The following GNB1 variants were observed in gnomAD, a reference collection of about 807,000 sequenced individuals.
The protein encoded by GNB1 is G protein subunit beta 1, also known as guanine nucleotide-binding protein G(I)/G(S)/G(T) subunit beta-1.
In GNB1, 2 loss-of-function variants were observed where a neutral mutation model predicts 42.9. That is an observed-to-expected ratio of 0.05 (90% CI 0.02 to 0.15). GNB1 has a LOEUF of 0.15. Among genes scored for constraint, GNB1 ranks in the 10% least tolerant of loss-of-function variants. GNB1 has a pLI of 1.00. For missense variants in GNB1, 193 were observed against 462.2 expected (o/e 0.42, Z 5.34); for synonymous variants, 183 against 174.7 (o/e 1.05, Z -0.38).
chr1:1,862,536 A>C (rs930861583), intron 1 of GNB1, among the ~76,000 whole-genome samples: 2 of 151,606 alleles, frequency 1.3e-5, no homozygotes, highest in Non-Finnish European at 2.9e-5. Context: ...ATTACGGCTC[A>C]CTGCAGACTT....
At chr1:1,798,567 C>T (rs1422194143) in intron 7 of GNB1, among the ~76,000 whole-genome samples, 1 of 152,138 alleles carries the variant, frequency 6.6e-6, no homozygotes, top group African/African-American at 2.4e-5. Flanking sequence ...TCAGAATGAT[C>T]CAGGCAAGGG....
chr1:1,803,978 T>C (rs1179955451), intron 7 of GNB1, among the ~76,000 whole-genome samples: 8 of 78,722 alleles, frequency 1.0e-4, no homozygotes, highest in Admixed American at 3.2e-4. Flanking sequence ...TGAGACTCTG[T>C]CTTTAAAAAA....
At chr1:1,823,060 G>T (rs547473298) in intron 3 of GNB1, among the ~76,000 whole-genome samples, 3 of 151,822 alleles carry the variant, frequency 2.0e-5, no homozygotes, top group Non-Finnish European at 4.4e-5. Flanking sequence ...GGCTAACACG[G>T]TGAAACCCCA....
chr1:1,820,980 C>A (rs1646923838), intron 3 of GNB1, among the ~76,000 whole-genome samples: 1 of 152,154 alleles, frequency 6.6e-6, no homozygotes, highest in Admixed American at 6.6e-5. Context: ...TCTTCAAGTT[C>A]TTTCAGATTA....
At chr1:1,834,144 T>A (rs6603797) in intron 2 of GNB1, among the ~76,000 whole-genome samples, 1 of 151,850 alleles carries the variant, frequency 6.6e-6, no homozygotes, top group Non-Finnish European at 1.5e-5. Flanking sequence ...ACTCACCCAT[T>A]AGACGCTGGC....
At chr1:1,823,371 ACACTT>A (rs1417715093) in intron 3 of GNB1, among the ~76,000 whole-genome samples, 2 of 152,134 alleles carry the variant, frequency 1.3e-5, no homozygotes, top group Non-Finnish European at 2.9e-5. Flanking sequence ...TTAAATAACA[ACACTT>A]TGCTTTTCTT....
intron 1 of GNB1, among the ~76,000 whole-genome samples, chr1:1,874,755 A>C (rs1200924632): frequency 6.6e-6 from 1 of 151,892 alleles, no homozygotes; most frequent in East Asian, 1.9e-4. Flanking sequence ...GTGCCACTGC[A>C]GTCCAGCCTG....
At chr1:1,840,514 C>T (rs1481308700) in intron 1 of GNB1, among the ~76,000 whole-genome samples, 7 of 152,188 alleles carry the variant, frequency 4.6e-5, no homozygotes, top group Non-Finnish European at 1.0e-4. Flanking sequence ...GGTGACAGTG[C>T]GAGACTCTGT....
intron 2 of GNB1, among the ~76,000 whole-genome samples, chr1:1,826,050 G>C (rs773156412): frequency 2.0e-5 from 3 of 152,112 alleles, no homozygotes; most frequent in Non-Finnish European, 2.9e-5. Flanking sequence ...ATGCTGGTGG[G>C]TTATAAAAAG....
chr1:1,800,548 C>T (rs1023409496), intron 7 of GNB1, among the ~76,000 whole-genome samples: 13 of 152,132 alleles, frequency 8.5e-5, no homozygotes, highest in South Asian at 4.1e-4. Flanking sequence ...CCCTGAGCCT[C>T]GGGGACAGCA....
chr1:1,884,233 G>T (rs183724054), intron 1 of GNB1, among the ~76,000 whole-genome samples: 1 of 151,934 alleles, frequency 6.6e-6, no homozygotes. Flanking sequence ...CCGAGTAGCT[G>T]GAATTACAGG....
intron 4 of GNB1, among the ~76,000 whole-genome samples, chr1:1,817,485 G>GT (rs761833768): frequency 3.3e-5 from 5 of 152,158 alleles, no homozygotes; most frequent in Non-Finnish European, 7.4e-5. Context: ...ATAATTCTAT[G>GT]TTTAACTTTT....
intron 2 of GNB1, among the ~76,000 whole-genome samples, chr1:1,833,860 T>C (rs1419577677): frequency 6.6e-6 from 1 of 152,198 alleles, no homozygotes; most frequent in Non-Finnish European, 1.5e-5. Context: ...TGCCTGTGCC[T>C]ATAAAGTAAT....
chr1:1,859,919 G>A (rs1300277213), intron 1 of GNB1, among the ~76,000 whole-genome samples: 1 of 152,026 alleles, frequency 6.6e-6, no homozygotes, highest in African/African-American at 2.4e-5. Flanking sequence ...GGGGAGAGGG[G>A]ACGGAAAGCA....
chr1:1,842,499 T>C (rs1647284368), intron 1 of GNB1, among the ~76,000 whole-genome samples: 2 of 150,110 alleles, frequency 1.3e-5, no homozygotes, highest in Admixed American at 1.3e-4. Flanking sequence ...CTCACAAATA[T>C]GCTAAGTGAC....
chr1:1,882,398 A>G (rs1472299818), intron 1 of GNB1, among the ~76,000 whole-genome samples: 1 of 139,394 alleles, frequency 7.2e-6, no homozygotes, highest in East Asian at 2.2e-4. Context: ...ACTGCACTCC[A>G]GCTGGGTGAC....
chr1:1,867,647 A>G (rs1018174947), intron 1 of GNB1, among the ~76,000 whole-genome samples: 5 of 152,200 alleles, frequency 3.3e-5, no homozygotes, highest in Admixed American at 2.0e-4. Context: ...TACTAAAAAT[A>G]ATAACCCTTT....
At chr1:1,886,745 C>A (rs192283471) in intron 1 of GNB1, among the ~76,000 whole-genome samples, 1 of 152,120 alleles carries the variant, frequency 6.6e-6, no homozygotes, top group Non-Finnish European at 1.5e-5. Context: ...CTCGCTGTGT[C>A]GCCCAGGCTG....
intron 1 of GNB1, among the ~76,000 whole-genome samples, chr1:1,871,950 A>G (rs1649272131): frequency 1.3e-5 from 2 of 151,570 alleles, no homozygotes; most frequent in East Asian, 1.9e-4. Flanking sequence ...CTCTGTCTCA[A>G]TCTGTGCCCC....
Sources: gnomAD v4.1 joint callset for allele counts (sites outside exome capture counted in the v4.1 genomes callset) on GRCh38, gnomAD v4.1.1 for gene constraint, MANE v1.5 for transcripts, NCBI Gene and HGNC (gene_info 2026-07-23, HGNC 2026-07-21) for gene names.